NT5C2: variants seen among roughly 807,000 people sequenced by gnomAD.
NT5C2 encodes the protein cytosolic purine 5'-nucleotidase.
NT5C2 carries 58 observed loss-of-function variants against 76.1 expected under a neutral mutation model. The observed-to-expected ratio is 0.76, with a 90% CI of 0.62 to 0.95. NT5C2 has a LOEUF of 0.95. Ranked by LOEUF, NT5C2 falls within the 40% of genes least tolerant of loss-of-function variation. The pLI, the probability that NT5C2 is intolerant of heterozygous loss-of-function variation, is 0.00. For synonymous variants in NT5C2, 229 were observed against 237.4 expected (o/e 0.96, Z 0.32); for missense variants, 478 against 690.3 (o/e 0.69, Z 3.45).
intron 4 of NT5C2, among the ~76,000 whole-genome samples, chr10:103,120,507 C>T (rs988463903): frequency 1.3e-5 from 2 of 152,136 alleles, no homozygotes; most frequent in Middle Eastern, 3.2e-3. Context: ...ATATAACTGA[C>T]TAAATAAACA....
intron 2 of NT5C2, among the ~76,000 whole-genome samples, chr10:103,178,849 A>AAG (rs1554837599): frequency 5.3e-5 from 8 of 150,438 alleles, no homozygotes; most frequent in South Asian, 4.2e-4. Context: ...AAAAAAAAAA[A>AAG]GACAAGCAAG....
At chr10:103,178,954 C>CTTTTTTTTTTTTTTTTT (rs758982511) in intron 2 of NT5C2, among the ~76,000 whole-genome samples, 25 of 128,482 alleles carry the variant, frequency 1.9e-4, no homozygotes, top group African/African-American at 2.3e-4. Context: ...TTCTTTTTTT[C>CTTTTTTTTTTTTTTTTT]TTTTTTTTTT....
rs879630421 is a variant in NT5C2, at chr10:103,189,095, T to TA, written c.-169+4140dup. Among the ~76,000 whole-genome samples, 118 of 147,564 alleles carry TA rather than the reference T, an allele frequency of 8.0e-4. 1 individual carries two copies. The highest frequency in any genetic ancestry group is 2.7e-3 in the African/African-American group (108 of 40,400). ...ATCTGATGCCTGAAATTTAACGGCTTAAAAAAAAAAATCAGTAAGCTTGCT... is the reference window on the plus strand; with the variant it reads ...ATCTGATGCCTGAAATTTAACGGCTTAAAAAAAAAAAATCAGTAAGCTTGCT... On this transcript the variant is annotated intron_variant, in intron 1 of 18. Transcript: ENST00000404739.
At chr10:103,135,245 C>T (rs980563339) in intron 4 of NT5C2, among the ~76,000 whole-genome samples, 2 of 152,204 alleles carry the variant, frequency 1.3e-5, no homozygotes, top group African/African-American at 4.8e-5. Context: ...CAAATCTCAT[C>T]TTCAATTCCC....
At chr10:103,091,683 T>C (rs2134579788) in intron 15 of NT5C2, 68 bp from the exon 16 acceptor site, 1 of 1,324,446 alleles carries the variant, frequency 7.6e-7, no homozygotes, top group Non-Finnish European at 1.1e-6. Context: ...TAACTGCTGC[T>C]AAACTAAAAG....
At chr10:103,188,404 G>A (rs144272450) in intron 1 of NT5C2, among the ~76,000 whole-genome samples, 9 of 152,126 alleles carry the variant, frequency 5.9e-5, no homozygotes, top group South Asian at 2.1e-4. Context: ...AAAAAAATAC[G>A]CACTGTCAAT....
intron 10 of NT5C2, chr10:103,098,148 TA>T: frequency 2.0e-6 from 1 of 500,618 alleles, no homozygotes. Context: ...ATTTTTATTC[TA>T]AAACAGTTCT....
Position 103,189,761 on chromosome 10 carries a change from C to A in NT5C2, c.-169+3475G>T, listed in dbSNP as rs1391040102. ...TAGGCTCACTGCAACCTCTGCCTCCCAGGTTCAAGCGATTCTCGTGTCTCA... is the reference window on the plus strand; with the variant it reads ...TAGGCTCACTGCAACCTCTGCCTCCAAGGTTCAAGCGATTCTCGTGTCTCA... On this transcript the variant is annotated intron_variant, in intron 1 of 18. Coordinates refer to ENST00000404739, the MANE Select transcript of NT5C2 (RefSeq NM_001351169.2). Among the ~76,000 whole-genome samples, 4 of 150,818 alleles carry A rather than the reference C, an allele frequency of 2.7e-5. No individual in the cohort carries two copies. In the East Asian group the frequency reaches 8.0e-4, roughly 30 times the overall value.
chr10:103,169,286 T>A (rs915140654), intron 3 of NT5C2: 3 of 152,190 alleles, frequency 2.0e-5, no homozygotes, highest in African/African-American at 7.2e-5. Context: ...CACACATATA[T>A]ATATAATGTT....
intron 4 of NT5C2, among the ~76,000 whole-genome samples, chr10:103,130,116 AGGAAAGGTG>A (rs1565107564): frequency 1.3e-5 from 2 of 150,900 alleles, no homozygotes; most frequent in South Asian, 4.2e-4. Flanking sequence ...ATAGAAAGGC[AGGAAAGGTG>A]GGGAAAAGAT....
intron 3 of NT5C2, among the ~76,000 whole-genome samples, chr10:103,142,327 A>G (rs983248723): frequency 2.0e-5 from 3 of 152,190 alleles, no homozygotes; most frequent in African/African-American, 7.2e-5. Flanking sequence ...AACTGAACAT[A>G]TAATAGTATG....
Position 103,161,038 on chromosome 10 carries a change from T to A in NT5C2, c.101+13820A>T, listed in dbSNP as rs1482946530. Among the ~76,000 whole-genome samples, 3 of 152,090 alleles carry A rather than the reference T, an allele frequency of 2.0e-5. No homozygotes were observed. In the East Asian group the frequency reaches 5.8e-4, roughly 29 times the overall value. ...AAAAGGCAGTAAGTGTGATGAGGAT[T>A]TGGAGAAACTGGAACATTCATACAC... On this transcript the variant is annotated intron_variant, in intron 3 of 18. Coordinates refer to ENST00000404739, the MANE Select transcript of NT5C2 (RefSeq NM_001351169.2).
At chr10:103,122,529 T>A (rs1458487181) in intron 4 of NT5C2, among the ~76,000 whole-genome samples, 1 of 152,182 alleles carries the variant, frequency 6.6e-6, no homozygotes, top group Non-Finnish European at 1.5e-5. Flanking sequence ...CAGCTATGAG[T>A]TTTAACAAAT....
chr10:103,133,202 G>A (rs1237221741), intron 4 of NT5C2, among the ~76,000 whole-genome samples: 1 of 152,156 alleles, frequency 6.6e-6, no homozygotes, highest in Non-Finnish European at 1.5e-5. Context: ...TATGAGACAT[G>A]CCTTTTGCCT....
chr10:103,146,506 G>A (rs759915829), intron 3 of NT5C2: 2 of 858,016 alleles, frequency 2.3e-6, no homozygotes, highest in Non-Finnish European at 2.8e-6. Context: ...CTTTTTGAGA[G>A]GGCAAATTGA....
At chr10:103,126,542 A>C (rs1243584387) in intron 4 of NT5C2, among the ~76,000 whole-genome samples, 2 of 152,182 alleles carry the variant, frequency 1.3e-5, no homozygotes, top group Non-Finnish European at 2.9e-5. Flanking sequence ...GAATCGCTTG[A>C]ACCTGGAAGG....
rs2066160002 is a variant in NT5C2, at chr10:103,089,555, G to GT, written c.*116dup. ...TAAAATCTTCAGAAACTTTTCAGAC[G>GT]TACCTTTCATGGAGCCCCCTCCCTC... On this transcript the variant is annotated 3_prime_UTR_variant, in exon 19 of 19. Transcript: ENST00000404739. 1 of 1,415,234 alleles carries GT rather than the reference G, an allele frequency of 7.1e-7. No homozygotes were observed. Among genetic ancestry groups the GT allele is most frequent in the Non-Finnish European group, 9.3e-7 (1 of 1,081,056 alleles). 87.7% of individuals were successfully genotyped at this position (1,415,234 alleles called of 1,614,324 possible). A position where few individuals can be genotyped will look rare whatever the true frequency, so the allele number is the denominator to read the frequency against.
At chr10:103,187,356 C>A (rs192059310) in intron 1 of NT5C2, among the ~76,000 whole-genome samples, 3 of 151,830 alleles carry the variant, frequency 2.0e-5, no homozygotes, top group African/African-American at 7.2e-5. Flanking sequence ...CCAGCTTGGC[C>A]AAAATGAAGA....
Position 103,110,121 on chromosome 10 carries a change from G to C in NT5C2, c.176-3415C>G, listed in dbSNP as rs138361847. On this transcript the variant is annotated intron_variant, in intron 4 of 18. Coordinates refer to ENST00000404739, the MANE Select transcript of NT5C2 (RefSeq NM_001351169.2). Reference sequence around the variant, plus strand: ...AAACATCAGCTGAAGCCAAAATTTAGGTCTCTTTGAGTCTCCAAAAGCTCT... The same window carrying C: ...AAACATCAGCTGAAGCCAAAATTTACGTCTCTTTGAGTCTCCAAAAGCTCT... Among the ~76,000 whole-genome samples the C allele has an allele frequency of 3.6e-3, 549 of 152,170 alleles. 5 individuals carry two copies. Among genetic ancestry groups the C allele is most frequent in the African/African-American group, 0.013 (536 of 41,504 alleles).
Sources: allele counts gnomAD v4.1 joint callset (sites outside exome capture counted in the v4.1 genomes callset), GRCh38; gene constraint gnomAD v4.1.1; transcripts MANE v1.5; gene names NCBI Gene and HGNC (gene_info 2026-07-23, HGNC 2026-07-21).